PPP1R12A: variants seen among roughly 807,000 people sequenced by gnomAD.
The protein encoded by PPP1R12A is protein phosphatase 1 regulatory subunit 12A.
A neutral mutation model predicts 139.6 loss-of-function variants in PPP1R12A; 19 were observed. That is an observed-to-expected ratio of 0.14 (90% CI 0.09 to 0.20). The LOEUF (loss-of-function observed/expected upper bound fraction) is 0.20, where lower values mean the gene tolerates loss of function less well. PPP1R12A is among the 10% of genes least tolerant of loss of function. The probability of loss-of-function intolerance (pLI) is 1.00; values close to 1 mark genes in which losing one functional copy is unlikely to be tolerated. For missense variants in PPP1R12A, 925 were observed against 1,211.5 expected (o/e 0.76, Z 3.51); for synonymous variants, 427 against 420.6 (o/e 1.02, Z -0.19).
chr12:79,837,819 G>GT (rs1265813090), intron 3 of PPP1R12A, among the ~76,000 whole-genome samples: 1 of 152,130 alleles, frequency 6.6e-6, no homozygotes, highest in Non-Finnish European at 1.5e-5. Context: ...CACTATGATT[G>GT]TAAGTTTCCT....
chr12:79,932,517 G>A (rs746399487), intron 1 of PPP1R12A, among the ~76,000 whole-genome samples: 1 of 152,186 alleles, frequency 6.6e-6, no homozygotes, highest in Non-Finnish European at 1.5e-5. Flanking sequence ...GAAAAGGGGA[G>A]GCGGTTGGAG....
At chr12:79,901,286 C>T (rs1271351724) in intron 1 of PPP1R12A, among the ~76,000 whole-genome samples, 1 of 152,106 alleles carries the variant, frequency 6.6e-6, no homozygotes, top group Non-Finnish European at 1.5e-5. Context: ...CAGGTGATCC[C>T]TTTCAGTAGG....
intron 1 of PPP1R12A, among the ~76,000 whole-genome samples, chr12:79,892,782 T>G (rs932797452): frequency 6.6e-6 from 1 of 152,126 alleles, no homozygotes; most frequent in Non-Finnish European, 1.5e-5. Context: ...ACTGTTTCCA[T>G]GAAACTACTG....
chr12:79,902,835 C>A (rs186558827), intron 1 of PPP1R12A, among the ~76,000 whole-genome samples: 1 of 152,002 alleles, frequency 6.6e-6, no homozygotes, highest in East Asian at 1.9e-4. Context: ...AAATTCCACA[C>A]CTGACCTTAT....
rs150825098 is a variant in PPP1R12A at position 79,855,615 on chromosome 12, A to G, written c.369-10195T>C. ...AGCAGAAGAAAAGTAAAAGTTTTTC[A>G]TATTTTAGAAAGATAATATTATGGA... On this transcript the variant is annotated intron_variant, in intron 2 of 24. Transcript: ENST00000450142. Among the ~76,000 whole-genome samples, 69 of 152,234 alleles carry G rather than the reference A, an allele frequency of 4.5e-4. No homozygotes were observed. The East Asian group carries it at 8.7e-3, about 19-fold the overall frequency.
intron 1 of PPP1R12A, among the ~76,000 whole-genome samples, chr12:79,923,829 G>C (rs1887628731): frequency 6.6e-6 from 1 of 152,072 alleles, no homozygotes. Context: ...GATCACCTGA[G>C]GTCAGGAGTT....
intron 18 of PPP1R12A, among the ~76,000 whole-genome samples, chr12:79,794,450 T>C (rs192924599): frequency 6.6e-6 from 1 of 152,162 alleles, no homozygotes; most frequent in East Asian, 1.9e-4. Context: ...TTATATATTT[T>C]AAACTGCAAA....
intron 2 of PPP1R12A, among the ~76,000 whole-genome samples, chr12:79,854,112 T>C (rs183475521): frequency 2.0e-5 from 3 of 152,254 alleles, no homozygotes; most frequent in Admixed American, 2.0e-4. Flanking sequence ...ATCAAGAAAG[T>C]GCCAAAATCA....
intron 2 of PPP1R12A, among the ~76,000 whole-genome samples, chr12:79,850,145 T>C (rs145216184): frequency 2.4e-4 from 37 of 152,164 alleles, no homozygotes; most frequent in African/African-American, 8.7e-4. Context: ...AAATGAAAAA[T>C]GGTAATCTGA....
chr12:79,829,763 A>G (rs1319968518), intron 4 of PPP1R12A, among the ~76,000 whole-genome samples: 8 of 152,106 alleles, frequency 5.3e-5, no homozygotes, highest in Non-Finnish European at 1.0e-4. Flanking sequence ...AGGAAATATG[A>G]ACAATAATAA....
intron 2 of PPP1R12A, among the ~76,000 whole-genome samples, chr12:79,856,258 A>G (rs909568594): frequency 6.6e-6 from 1 of 152,232 alleles, no homozygotes; most frequent in African/African-American, 2.4e-5. Context: ...GCCCAGTCTT[A>G]TCTGCTACCC....
chr12:79,811,621 T>C (rs545751095), intron 9 of PPP1R12A, among the ~76,000 whole-genome samples: 5 of 152,242 alleles, frequency 3.3e-5, no homozygotes, highest in Admixed American at 2.6e-4. Context: ...TGCTTATTGA[T>C]TGGTGAGTTT....
chr12:79,894,800 T>C lies in PPP1R12A; in HGVS notation c.238-21862A>G, dbSNP rs533295459. ...CTCTGCTGTTACACAACAATGTCCT[T>C]ATAACCAATAGCTTACGCAGCTAAA... On this transcript the variant is annotated intron_variant, in intron 1 of 24. Transcript: ENST00000450142. Among the ~76,000 whole-genome samples the C allele has an allele frequency of 5.9e-5, 9 of 152,344 alleles. No homozygotes were observed. In the South Asian group the frequency reaches 1.7e-3, roughly 28 times the overall value.
chr12:79,912,791 T>C (rs1049442593), intron 1 of PPP1R12A, among the ~76,000 whole-genome samples: 1 of 152,212 alleles, frequency 6.6e-6, no homozygotes, highest in Non-Finnish European at 1.5e-5. Context: ...ATAAACATTT[T>C]TATAACCAAT....
At chr12:79,920,692 GCTTT>G (rs754690191) in intron 1 of PPP1R12A, among the ~76,000 whole-genome samples, 11 of 152,240 alleles carry the variant, frequency 7.2e-5, no homozygotes, top group African/African-American at 2.6e-4. Flanking sequence ...GGAACTTGTG[GCTTT>G]CTAAGAAGAG....
intron 1 of PPP1R12A, among the ~76,000 whole-genome samples, chr12:79,908,313 T>C (rs1439248844): frequency 3.3e-5 from 5 of 152,250 alleles, no homozygotes; most frequent in Non-Finnish European, 7.3e-5. Context: ...GAAGCATCTA[T>C]GATAACTACC....
At chr12:79,788,811 C>T in intron 20 of PPP1R12A, 28 bp from the exon 21 acceptor site, 1 of 1,542,240 alleles carries the variant, frequency 6.5e-7, no homozygotes, top group South Asian at 1.2e-5. Flanking sequence ...AAATAAAAAA[C>T]CTTGTTATAG....
intron 18 of PPP1R12A, 114 bp downstream of exon 18, chr12:79,795,524 G>C (rs1156848997): frequency 8.9e-7 from 1 of 1,124,950 alleles, no homozygotes; most frequent in Non-Finnish European, 1.2e-6. Flanking sequence ...ACACAGTGAT[G>C]ATTTAAGGAA....
At chr12:79,837,945 G>A (rs905922050) in intron 3 of PPP1R12A, among the ~76,000 whole-genome samples, 3 of 152,108 alleles carry the variant, frequency 2.0e-5, no homozygotes, top group Non-Finnish European at 4.4e-5. Flanking sequence ...ATTTGGTATC[G>A]GGTAGTGGGG....
Sources: gnomAD v4.1 joint callset for allele counts (sites outside exome capture counted in the v4.1 genomes callset) on GRCh38, gnomAD v4.1.1 for gene constraint, MANE v1.5 for transcripts, NCBI Gene and HGNC (gene_info 2026-07-23, HGNC 2026-07-21) for gene names.